RGS6: variants seen among roughly 807,000 people sequenced by gnomAD.
RGS6 encodes regulator of G-protein signaling 6.
RGS6 carries 30 observed loss-of-function variants against 78.5 expected under a neutral mutation model. The observed-to-expected ratio is 0.38, with a 90% CI of 0.29 to 0.52. The LOEUF (loss-of-function observed/expected upper bound fraction) is 0.52, where lower values mean the gene tolerates loss of function less well. Ranked by LOEUF, RGS6 falls within the 20% of genes least tolerant of loss-of-function variation. The pLI is 0.85. For synonymous variants in RGS6, 206 were observed against 206.0 expected, an observed-to-expected ratio of 1.00 and a Z score of 0.00; for missense variants, 495 against 609.7, an observed-to-expected ratio of 0.81 and a Z score of 1.98.
intron 2 of RGS6, among the ~76,000 whole-genome samples, chr14:72,153,781 C>T (rs2096729027): frequency 6.6e-6 from 1 of 152,120 alleles, no homozygotes; most frequent in Non-Finnish European, 1.5e-5. Flanking sequence ...GAACAAAGAT[C>T]ATATGCTTCT....
intron 2 of RGS6, among the ~76,000 whole-genome samples, chr14:72,245,574 C>T (rs896994750): frequency 1.4e-4 from 21 of 152,234 alleles, no homozygotes; most frequent in African/African-American, 3.9e-4. Flanking sequence ...CCTCCCTGGG[C>T]GGGCCAGGTG....
At chr14:71,926,352 G>C in the RGS6 span, among the ~76,000 whole-genome samples, 2 of 152,232 alleles carry the variant, frequency 1.3e-5, no homozygotes, top group Non-Finnish European at 1.5e-5. Context: ...GGGAGACTGA[G>C]GTGGGCAGAT....
intron 12 of RGS6, among the ~76,000 whole-genome samples, chr14:72,494,095 G>T (rs995197154): frequency 6.6e-6 from 1 of 152,206 alleles, no homozygotes; most frequent in Admixed American, 6.5e-5. Context: ...TCAGGAAAGA[G>T]GATCTCTGGG....
At chr14:72,380,041 AGATGTGAAGAACACTCACT>A (rs546198085) in intron 3 of RGS6, among the ~76,000 whole-genome samples, 2,026 of 146,988 alleles carry the variant, frequency 0.014, 18 homozygotes, top group Non-Finnish European at 0.02. Flanking sequence ...TTTTTGACAA[AGATGTGAAGAACACTCACT>A]GAGGCAAAAC....
At chr14:72,187,949 C>G (rs1327006013) in intron 2 of RGS6, among the ~76,000 whole-genome samples, 1 of 152,108 alleles carries the variant, frequency 6.6e-6, no homozygotes, top group Non-Finnish European at 1.5e-5. Flanking sequence ...GGTGACAGCC[C>G]TTTTTGTTTC....
chr14:72,173,401 C>A (rs531230621), intron 2 of RGS6, among the ~76,000 whole-genome samples: 1 of 152,310 alleles, frequency 6.6e-6, no homozygotes, highest in East Asian at 1.9e-4. Context: ...TTCTGCACGA[C>A]CCCTTTTTCT....
chr14:71,976,292 G>A lies in RGS6; in HGVS notation c.84+11417G>A, dbSNP rs988120919. Reference sequence around the variant, plus strand: ...TTTAATTATTATACTTTAAGTTTTAGGGTACATGTGCACATTGTGCAGGTT... The same window carrying A: ...TTTAATTATTATACTTTAAGTTTTAAGGTACATGTGCACATTGTGCAGGTT... On this transcript the variant is annotated intron_variant, in intron 2 of 17. Coordinates refer to ENST00000553525, the MANE Select transcript of RGS6 (RefSeq NM_001204424.2). Among the ~76,000 whole-genome samples, 3 of 145,758 alleles carry A rather than the reference G, an allele frequency of 2.1e-5. No individual in the cohort carries two copies. The Admixed American group carries it at 2.1e-4, about 10-fold the overall frequency.
At chr14:71,988,758 G>A (rs577044290) in intron 2 of RGS6, among the ~76,000 whole-genome samples, 2 of 152,276 alleles carry the variant, frequency 1.3e-5, no homozygotes, top group South Asian at 4.1e-4. Flanking sequence ...CCAAGACCCA[G>A]TGATTCCATG....
rs778623514 is a variant in RGS6, at chr14:72,562,775, C to T, written c.*308C>T. 28 of 1,520,078 alleles carry T rather than the reference C, an allele frequency of 1.8e-5. No individual in the cohort carries two copies. Among genetic ancestry groups the T allele is most frequent in the African/African-American group, 2.8e-5 (2 of 72,694 alleles). 94.2% of individuals were successfully genotyped at this position (1,520,078 alleles called of 1,614,324 possible). A position where few individuals can be genotyped will look rare whatever the true frequency, so the allele number is the denominator to read the frequency against. On this transcript the variant is annotated 3_prime_UTR_variant, in exon 18 of 18. Transcript: ENST00000553525. ...ATCCCAGCTCATTCAGGGGAGAACACGTCGTGGGGTTCCTGTCACGACTAT... is the reference window on the plus strand; with the variant it reads ...ATCCCAGCTCATTCAGGGGAGAACATGTCGTGGGGTTCCTGTCACGACTAT...
chr14:72,572,050 A>C, the RGS6 span, among the ~76,000 whole-genome samples: 4 of 152,252 alleles, frequency 2.6e-5, no homozygotes, highest in Non-Finnish European at 4.4e-5. Flanking sequence ...AAGCACAGGA[A>C]AGGATGCTGA....
At chr14:72,255,525 G>A (rs1044152659) in intron 2 of RGS6, among the ~76,000 whole-genome samples, 13 of 152,192 alleles carry the variant, frequency 8.5e-5, no homozygotes, top group African/African-American at 3.1e-4. Context: ...CTAGACTGAA[G>A]TCTCTGTTTA....
chr14:72,252,704 T>C (rs1485375035), intron 2 of RGS6, among the ~76,000 whole-genome samples: 2 of 152,142 alleles, frequency 1.3e-5, no homozygotes, highest in Admixed American at 1.3e-4. Flanking sequence ...CTACTCAAAG[T>C]AGGGCAATAG....
intron 3 of RGS6, among the ~76,000 whole-genome samples, chr14:72,418,697 T>C (rs1405249070): frequency 1.3e-5 from 2 of 152,224 alleles, no homozygotes; most frequent in African/African-American, 4.8e-5. Flanking sequence ...AATGTATTTA[T>C]TCTCCTGTTG....
At chr14:72,209,247 T>C (rs939663999) in intron 2 of RGS6, among the ~76,000 whole-genome samples, 2 of 152,158 alleles carry the variant, frequency 1.3e-5, no homozygotes, top group African/African-American at 4.8e-5. Context: ...TCTCAAAATA[T>C]ATAATATATG....
chr14:72,216,436 C>T lies in RGS6; in HGVS notation c.85-135659C>T, dbSNP rs181326850. Among the ~76,000 whole-genome samples the T allele has an allele frequency of 6.8e-4, 104 of 152,314 alleles. 1 individual carries two copies. Among genetic ancestry groups the T allele is most frequent in the East Asian group, 6.4e-3 (33 of 5,194 alleles). On this transcript the variant is annotated intron_variant, in intron 2 of 17. Transcript: ENST00000553525. ...GGTACAGCAAAACAAATGTAAGGCA[C>T]CGCACCAACACGAGGAATTATCAGT...
chr14:72,600,694 AC>A, the RGS6 span, among the ~76,000 whole-genome samples: 10 of 151,930 alleles, frequency 6.6e-5, 1 homozygote, highest in South Asian at 2.1e-3. Context: ...CTCAGTCTGG[AC>A]CCCTGCCGGG....
intron 2 of RGS6, among the ~76,000 whole-genome samples, chr14:71,966,077 T>C (rs1438483550): frequency 6.6e-6 from 1 of 152,204 alleles, no homozygotes. Context: ...TTGCTTCTTA[T>C]TGTACACCTT....
At chr14:72,322,363 G>A (rs1344936767) in intron 2 of RGS6, among the ~76,000 whole-genome samples, 2 of 151,890 alleles carry the variant, frequency 1.3e-5, no homozygotes, top group East Asian at 3.9e-4. Flanking sequence ...CAGATGGAGA[G>A]AAAACAACAA....
chr14:72,314,083 A>G (rs1160027349), intron 2 of RGS6, among the ~76,000 whole-genome samples: 1 of 152,188 alleles, frequency 6.6e-6, no homozygotes, highest in African/African-American at 2.4e-5. Flanking sequence ...TCTTCATTTT[A>G]TAGAGAAGGA....
Sources: gnomAD v4.1 joint callset for allele counts (sites outside exome capture counted in the v4.1 genomes callset) on GRCh38, gnomAD v4.1.1 for gene constraint, MANE v1.5 for transcripts, NCBI Gene and HGNC (gene_info 2026-07-23, HGNC 2026-07-21) for gene names.